The following KIAA0825 variants were observed in gnomAD, a reference collection of about 807,000 sequenced individuals.
The protein encoded by KIAA0825 is uncharacterized protein KIAA0825.
In KIAA0825, 119 loss-of-function variants were observed where a neutral mutation model predicts 147.6. That is an observed-to-expected ratio of 0.81 (90% CI 0.69 to 0.94). The LOEUF is 0.94. Ranked by LOEUF, KIAA0825 falls within the 40% of genes least tolerant of loss-of-function variation. The probability of loss-of-function intolerance (pLI) is 0.00; values close to 1 mark genes in which losing one functional copy is unlikely to be tolerated. For missense variants in KIAA0825, 1,381 were observed against 1,472.7 expected, an observed-to-expected ratio of 0.94 and a Z score of 1.02; for synonymous variants, 470 against 518.1, an observed-to-expected ratio of 0.91 and a Z score of 1.26.
chr5:94,338,912 A>G (rs1257954721), intron 20 of KIAA0825, among the ~76,000 whole-genome samples: 2 of 152,184 alleles, frequency 1.3e-5, no homozygotes, highest in Non-Finnish European at 2.9e-5. Context: ...TTACAATAAT[A>G]AAGACTATAA....
intron 20 of KIAA0825, among the ~76,000 whole-genome samples, chr5:94,207,927 A>G (rs1394523940): frequency 6.6e-6 from 1 of 152,190 alleles, no homozygotes; most frequent in East Asian, 1.9e-4. Context: ...TAGTTGAACA[A>G]TTGCCGAACT....
chr5:94,409,355 C>T (rs1183149590), intron 15 of KIAA0825, among the ~76,000 whole-genome samples: 1 of 152,154 alleles, frequency 6.6e-6, no homozygotes, highest in Non-Finnish European at 1.5e-5. Context: ...ACAGGAAACA[C>T]TGTAATTGCC....
chr5:94,236,607 G>A (rs1562328084), intron 20 of KIAA0825, among the ~76,000 whole-genome samples: 1 of 152,182 alleles, frequency 6.6e-6, no homozygotes, highest in African/African-American at 2.4e-5. Context: ...TCTACTGTGG[G>A]TAAAATGCTG....
chr5:94,593,066 C>A (rs1172840916), intron 1 of KIAA0825: 4 of 700,490 alleles, frequency 5.7e-6, no homozygotes, highest in East Asian at 5.2e-5. Context: ...CAATTTCTTA[C>A]TCTTCATAAT....
intron 20 of KIAA0825, among the ~76,000 whole-genome samples, chr5:94,224,082 CTTTTTTTTTT>C (rs869059424): frequency 8.9e-5 from 5 of 56,474 alleles, no homozygotes; most frequent in African/African-American, 2.0e-4. Flanking sequence ...TTTTTCTTTT[CTTTTTTTTTT>C]TTTTTTTTTT....
chr5:94,510,526 TTAC>T (rs1476921303), intron 5 of KIAA0825, among the ~76,000 whole-genome samples: 3 of 151,940 alleles, frequency 2.0e-5, no homozygotes, highest in Admixed American at 6.6e-5. Context: ...ACATACTTAC[TTAC>T]CCTACATCAT....
At chr5:94,525,978 A>G (rs368021312) in intron 3 of KIAA0825, among the ~76,000 whole-genome samples, 2 of 152,040 alleles carry the variant, frequency 1.3e-5, no homozygotes, top group African/African-American at 4.8e-5. Flanking sequence ...AAATTATAAA[A>G]TGTCAGAACT....
intron 20 of KIAA0825, among the ~76,000 whole-genome samples, chr5:94,252,466 TAG>T (rs927581654): frequency 3.3e-5 from 5 of 151,254 alleles, no homozygotes; most frequent in African/African-American, 7.3e-5. Context: ...TATATATATA[TAG>T]AGAGAGAGAG....
In KIAA0825 at chr5:94,394,043, G is replaced by T. The variant is rs191470210; in HGVS notation, c.3296+2058C>A. On this transcript the variant is annotated intron_variant, in intron 17 of 20. Coordinates refer to ENST00000682413, the MANE Select transcript of KIAA0825 (RefSeq NM_001145678.3). The stretch of plus-strand genomic sequence containing the variant: ...TTTTTTGTATTTTTTGTAGAGACGG[G>T]GTTTCATCATATCAGTCAGGCTGGT... Among the ~76,000 whole-genome samples, 641 of 151,654 alleles carry T rather than the reference G, an allele frequency of 4.2e-3. 7 individuals are homozygous for T. Among genetic ancestry groups the T allele is most frequent in the African/African-American group, 0.014 (598 of 41,358 alleles).
intron 20 of KIAA0825, among the ~76,000 whole-genome samples, chr5:94,182,250 C>CTTATTTTTTTT (rs1769702226): frequency 2.6e-5 from 1 of 38,276 alleles, no homozygotes; most frequent in Non-Finnish European, 4.3e-5. Context: ...AATGTCCCTT[C>CTTATTTTTTTT]TTTTTTTTTT....
intron 20 of KIAA0825, among the ~76,000 whole-genome samples, chr5:94,172,354 G>A (rs1768703365): frequency 1.3e-5 from 2 of 152,216 alleles, no homozygotes; most frequent in Non-Finnish European, 2.9e-5. Flanking sequence ...TGTATGGATA[G>A]TTGCTTATAT....
chr5:94,325,423 G>T (rs891828305), intron 20 of KIAA0825, among the ~76,000 whole-genome samples: 1 of 151,772 alleles, frequency 6.6e-6, no homozygotes, highest in African/African-American at 2.4e-5. Context: ...TTGCAAACTT[G>T]AAAAGAACTC....
intron 20 of KIAA0825, among the ~76,000 whole-genome samples, chr5:94,259,469 A>T (rs1776389451): frequency 6.6e-6 from 1 of 152,026 alleles, no homozygotes; most frequent in African/African-American, 2.4e-5. Flanking sequence ...ATTGTGTAAC[A>T]CTACTGTTAA....
chr5:94,255,166 T>C (rs1318343574), intron 20 of KIAA0825, among the ~76,000 whole-genome samples: 1 of 150,770 alleles, frequency 6.6e-6, no homozygotes, highest in East Asian at 2.0e-4. Context: ...TGGCATTTGA[T>C]TGGAAGGGGA....
At chr5:94,585,350 C>T (rs1005239463) in intron 1 of KIAA0825, among the ~76,000 whole-genome samples, 7 of 152,106 alleles carry the variant, frequency 4.6e-5, no homozygotes, top group Non-Finnish European at 7.4e-5. Flanking sequence ...GAAGATCTAC[C>T]AAGCAAATGG....
rs146102203 is a variant in KIAA0825, at chr5:94,393,134, A to G, written c.3297-1440T>C. 3.4e-3 allele frequency among the ~76,000 whole-genome samples: 520 copies of G among 152,310 alleles called. 5 individuals carry two copies. The highest frequency in any genetic ancestry group is 0.012 in the African/African-American group (490 of 41,562). ...GTGAAGCAAATGATTGGATTCAGTC[A>G]ATGCTATGATTAATGAGTTCCTCTC... is the stretch of plus-strand genomic sequence containing the variant. On this transcript the variant is annotated intron_variant, in intron 17 of 20. Coordinates refer to ENST00000682413, the MANE Select transcript of KIAA0825 (RefSeq NM_001145678.3).
At chr5:94,173,652 C>A (rs1272997818) in intron 20 of KIAA0825, among the ~76,000 whole-genome samples, 5 of 152,118 alleles carry the variant, frequency 3.3e-5, no homozygotes, top group Non-Finnish European at 5.9e-5. Flanking sequence ...CTATTGGTTA[C>A]AAAGGAGTCA....
chr5:94,175,685 A>T (rs867018133), intron 20 of KIAA0825, among the ~76,000 whole-genome samples: 1 of 152,206 alleles, frequency 6.6e-6, no homozygotes, highest in African/African-American at 2.4e-5. Flanking sequence ...TTCCAAAAGA[A>T]GTTCATTAAT....
At chr5:94,185,218 T>A (rs796736694) in intron 20 of KIAA0825, among the ~76,000 whole-genome samples, 15 of 152,312 alleles carry the variant, frequency 9.8e-5, no homozygotes, top group African/African-American at 3.6e-4. Context: ...GGACTTGTAA[T>A]TTATTGGAAG....
Sources: gnomAD v4.1 joint callset for allele counts (sites outside exome capture counted in the v4.1 genomes callset) on GRCh38, gnomAD v4.1.1 for gene constraint, MANE v1.5 for transcripts, NCBI Gene and HGNC (gene_info 2026-07-23, HGNC 2026-07-21) for gene names.